The following CCDC102B variants were observed in gnomAD, a reference collection of about 807,000 sequenced individuals.
The protein encoded by CCDC102B is coiled-coil domain containing 102B.
A neutral mutation model predicts 57.4 loss-of-function variants in CCDC102B; 75 were observed. That is an observed-to-expected ratio of 1.31 (90% CI 1.08 to 1.58). CCDC102B has a LOEUF of 1.58. Among genes scored for constraint, CCDC102B ranks in the 40% most tolerant of loss-of-function variants. The pLI is 0.00. For missense variants in CCDC102B, 636 were observed against 582.6 expected (o/e 1.09, Z -0.94); for synonymous variants, 206 against 201.9 (o/e 1.02, Z -0.17).
intron 7 of CCDC102B, among the ~76,000 whole-genome samples, chr18:69,045,001 C>A (rs1433438253): frequency 2.0e-5 from 3 of 152,196 alleles, no homozygotes; most frequent in Admixed American, 6.6e-5. Flanking sequence ...TGAGACCTTG[C>A]ATCACCTTTT....
chr18:68,912,130 A>G (rs2040896667), intron 6 of CCDC102B, among the ~76,000 whole-genome samples: 1 of 151,786 alleles, frequency 6.6e-6, no homozygotes, highest in Non-Finnish European at 1.5e-5. Context: ...CTACTTGATG[A>G]AGGTAAATTT....
At chr18:68,844,706 A>G (rs1297131083) in intron 3 of CCDC102B, among the ~76,000 whole-genome samples, 1 of 151,946 alleles carries the variant, frequency 6.6e-6, no homozygotes, top group African/African-American at 2.4e-5. Context: ...TAAATCTAAC[A>G]CAAAATACTA....
intron 6 of CCDC102B, among the ~76,000 whole-genome samples, chr18:68,977,082 C>A (rs1008801670): frequency 6.6e-6 from 1 of 151,886 alleles, no homozygotes; most frequent in Non-Finnish European, 1.5e-5. Flanking sequence ...TTTTTGCTAA[C>A]ATTAATTGCA....
intron 4 of CCDC102B, among the ~76,000 whole-genome samples, chr18:68,863,968 T>TA (rs1340763077): frequency 1.3e-5 from 2 of 151,996 alleles, no homozygotes; most frequent in Non-Finnish European, 2.9e-5. Context: ...TAAATCAATT[T>TA]CTTTAGAGTC....
intron 7 of CCDC102B, among the ~76,000 whole-genome samples, chr18:69,034,474 A>G (rs948072391): frequency 6.6e-6 from 1 of 151,926 alleles, no homozygotes; most frequent in Admixed American, 6.6e-5. Context: ...ATGATTTCCT[A>G]ATTGAAATGT....
intron 2 of CCDC102B, among the ~76,000 whole-genome samples, chr18:68,731,136 G>A (rs1464397104): frequency 2.6e-5 from 4 of 151,936 alleles, no homozygotes; most frequent in Admixed American, 6.6e-5. Context: ...ACAGACATGC[G>A]CCACCACCCC....
chr18:68,889,064 A>G (rs1435178483), intron 5 of CCDC102B, among the ~76,000 whole-genome samples: 7 of 150,972 alleles, frequency 4.6e-5, no homozygotes, highest in Non-Finnish European at 1.0e-4. Context: ...TCTCTATTTA[A>G]CATTATAGAT....
chr18:68,838,971 A>G (rs1202384114), intron 3 of CCDC102B, 45 bp downstream of exon 3: 2 of 1,450,430 alleles, frequency 1.4e-6, no homozygotes, highest in Non-Finnish European at 1.9e-6. Flanking sequence ...TAAGTTTCAA[A>G]TCACTTAAAA....
chr18:69,033,861 A>G (rs536436124), intron 7 of CCDC102B, among the ~76,000 whole-genome samples: 114 of 152,152 alleles, frequency 7.5e-4, no homozygotes, highest in South Asian at 3.7e-3. Context: ...AAAATTTGTT[A>G]GAGTTCATCT....
intron 1 of CCDC102B, among the ~76,000 whole-genome samples, chr18:68,829,627 G>T (rs1052038128): frequency 2.0e-5 from 3 of 151,956 alleles, no homozygotes; most frequent in African/African-American, 4.8e-5. Context: ...CCTATCAAAT[G>T]GGTGTGAGAA....
At chr18:68,991,767 G>A (rs1363763599) in intron 6 of CCDC102B, among the ~76,000 whole-genome samples, 1 of 152,144 alleles carries the variant, frequency 6.6e-6, no homozygotes, top group Admixed American at 6.5e-5. Context: ...AGGATATATA[G>A]TAGATGAAAA....
At chr18:68,913,527 C>T (rs1004083789) in intron 6 of CCDC102B, among the ~76,000 whole-genome samples, 1 of 151,932 alleles carries the variant, frequency 6.6e-6, no homozygotes, top group African/African-American at 2.4e-5. Flanking sequence ...CAGGCCTGTA[C>T]GGCTGTAATC....
At chr18:68,912,434 C>A (rs2145078664) in intron 6 of CCDC102B, among the ~76,000 whole-genome samples, 1 of 152,304 alleles carries the variant, frequency 6.6e-6, no homozygotes, top group Middle Eastern at 3.4e-3. Context: ...TTAGCAAATG[C>A]AAATTATCAG....
Position 69,008,241 on chromosome 18 carries a change from A to T in CCDC102B, c.1264-2693A>T, listed in dbSNP as rs146258436. 2.9e-3 allele frequency among the ~76,000 whole-genome samples: 440 copies of T among 152,318 alleles called. 1 individual carries two copies. The highest frequency in any genetic ancestry group is 9.8e-3 in the African/African-American group (409 of 41,566). ...AAAAGAATATGGTATAGAACTTGACATTTGAAAATTGTATTCTGAAGAGAA... is the reference window on the plus strand; with the variant it reads ...AAAAGAATATGGTATAGAACTTGACTTTTGAAAATTGTATTCTGAAGAGAA... On this transcript the variant is annotated intron_variant, in intron 6 of 7. Coordinates refer to ENST00000360242, the MANE Select transcript of CCDC102B (RefSeq NM_024781.3).
At chr18:68,912,878 A>T (rs2040924643) in intron 6 of CCDC102B, among the ~76,000 whole-genome samples, 2 of 152,200 alleles carry the variant, frequency 1.3e-5, no homozygotes, top group African/African-American at 4.8e-5. Context: ...CATTTTTCAA[A>T]ATTTAGCTAT....
At chr18:68,741,948 C>A (rs2033411301) in intron 2 of CCDC102B, among the ~76,000 whole-genome samples, 1 of 152,040 alleles carries the variant, frequency 6.6e-6, no homozygotes, top group African/African-American at 2.4e-5. Flanking sequence ...TTCCCAGGTA[C>A]AGAGTAGGAG....
chr18:68,887,908 G>A (rs183974295), intron 5 of CCDC102B, among the ~76,000 whole-genome samples: 8 of 152,244 alleles, frequency 5.3e-5, no homozygotes, highest in Admixed American at 3.9e-4. Flanking sequence ...GACACCCAAG[G>A]CATACATTCA....
chr18:69,015,948 A>C (rs1292143639), intron 7 of CCDC102B, among the ~76,000 whole-genome samples: 1 of 151,116 alleles, frequency 6.6e-6, no homozygotes, highest in African/African-American at 2.4e-5. Flanking sequence ...TCTGCCACCC[A>C]TGTTCATGCC....
At chr18:68,854,493 T>G (rs1568289883) in intron 4 of CCDC102B, among the ~76,000 whole-genome samples, 1 of 152,182 alleles carries the variant, frequency 6.6e-6, no homozygotes, top group African/African-American at 2.4e-5. Flanking sequence ...ATATCCTCCA[T>G]GAGTTTTGCA....
Sources: gnomAD v4.1 joint callset for allele counts (sites outside exome capture counted in the v4.1 genomes callset) on GRCh38, gnomAD v4.1.1 for gene constraint, MANE v1.5 for transcripts, NCBI Gene and HGNC (gene_info 2026-07-23, HGNC 2026-07-21) for gene names.